The following ULK3 variants were observed in gnomAD, a reference collection of about 807,000 sequenced individuals.
ULK3 encodes serine/threonine-protein kinase ULK3.
In ULK3, 54 loss-of-function variants were observed where a neutral mutation model predicts 69.4. The ratio of observed to expected loss-of-function variants is 0.78; its 90% CI spans 0.63 to 0.98. The LOEUF is 0.98. ULK3 is among the 50% of genes least tolerant of loss of function. ULK3 has a pLI of 0.00. For synonymous variants in ULK3, 240 were observed against 254.5 expected (o/e 0.94, Z 0.54); for missense variants, 558 against 627.7 (o/e 0.89, Z 1.19).
chr15:74,839,985 C>T (rs1160771389), intron 6 of ULK3, among the ~76,000 whole-genome samples: 1 of 152,168 alleles, frequency 6.6e-6, no homozygotes, highest in Non-Finnish European at 1.5e-5. Flanking sequence ...CCTAGGAAGG[C>T]TGGGCCTGGC....
At position 74,840,668 on chromosome 15, in the gene ULK3, G is replaced by A. The variant is rs747483538; in HGVS notation, c.470-27C>T. On this transcript the variant is annotated intron_variant, in intron 4 of 15. Coordinates refer to ENST00000440863, the MANE Select transcript of ULK3 (RefSeq NM_001099436.4). Reference sequence around the variant, plus strand: ...TGCAGGCAAGAGGAGAGGCAGCAGGGCTTGAATTCCAGCTGCTTCAGCTCC... The same window carrying A: ...TGCAGGCAAGAGGAGAGGCAGCAGGACTTGAATTCCAGCTGCTTCAGCTCC... 11 of 1,534,316 alleles carry A rather than the reference G, an allele frequency of 7.2e-6. No individual in the cohort carries two copies. In the Admixed American group the frequency reaches 2.3e-4, roughly 32 times the overall value.
At position 74,838,262 on chromosome 15, in the gene ULK3, T is replaced by C; in HGVS notation, c.1246+4A>G. 3 of 1,561,092 alleles carry C rather than the reference T, an allele frequency of 1.9e-6. No individual in the cohort carries two copies. Among genetic ancestry groups the C allele is most frequent in the Non-Finnish European group, 2.6e-6 (3 of 1,152,896 alleles). The stretch of plus-strand genomic sequence containing the variant: ...CTGTGGGGGGCATAAATGGGGGCCC[T>C]CACCTGCCAGCAACAGCAGTAGCTC... On this transcript the variant is annotated splice_donor_region_variant and intron_variant, in intron 12 of 15. Coordinates refer to ENST00000440863, the MANE Select transcript of ULK3 (RefSeq NM_001099436.4).
intron 11 of ULK3, 23 bp downstream of exon 11, chr15:74,838,417 G>A: frequency 1.3e-6 from 2 of 1,567,394 alleles, no homozygotes; most frequent in Non-Finnish European, 1.7e-6. Flanking sequence ...CGACCCACCT[G>A]GACCCCTCCC....
At chr15:74,839,417 C>T in intron 7 of ULK3, 44 bp from the exon 8 acceptor site, 1 of 1,548,168 alleles carries the variant, frequency 6.5e-7, no homozygotes. Context: ...TCCCTACCCT[C>T]CCACACTCAC....
chr15:74,839,550 C>G lies in ULK3; in HGVS notation c.852+8G>C. ...CTCAGCCCACCCCAGCCCCAGCCGTCTGCTCACTGCTCGCCCCAGACTCTC... is the reference window on the plus strand; with the variant it reads ...CTCAGCCCACCCCAGCCCCAGCCGTGTGCTCACTGCTCGCCCCAGACTCTC... On this transcript the variant is annotated splice_region_variant and intron_variant, in intron 7 of 15. Coordinates refer to ENST00000440863, the MANE Select transcript of ULK3 (RefSeq NM_001099436.4). The G allele has an allele frequency of 6.4e-7, 1 of 1,552,750 alleles. No individual in the cohort carries two copies. The highest frequency in any genetic ancestry group is 8.7e-7 in the Non-Finnish European group (1 of 1,150,226).
At chr15:74,839,233 G>A in intron 8 of ULK3, 35 bp downstream of exon 8, 1 of 1,547,900 alleles carries the variant, frequency 6.5e-7, no homozygotes, top group Non-Finnish European at 8.7e-7. Flanking sequence ...CATCCCTGCT[G>A]CACCCACGGG....
chr15:74,839,730 G>C lies in ULK3; in HGVS notation c.697-17C>G. On this transcript the variant is annotated splice_polypyrimidine_tract_variant and intron_variant, in intron 6 of 15. Coordinates refer to ENST00000440863, the MANE Select transcript of ULK3 (RefSeq NM_001099436.4). ...CAAGGGGAGCTGCAGGGAAGGGAAC[G>C]GCAGGGACAGATCACACTGGGCTCC... The C allele has an allele frequency of 6.6e-7, 1 of 1,518,726 alleles. No individual in the cohort carries two copies. The highest frequency in any genetic ancestry group is 8.8e-7 in the Non-Finnish European group (1 of 1,137,742). The allele number at this position is 1,518,726 out of a possible 1,614,324, so 94.1% of individuals were successfully genotyped here.
Position 74,842,662 on chromosome 15 carries a change from AT to A in ULK3, c.103-243del. The A allele has an allele frequency of 6.5e-7, 1 of 1,535,606 alleles. No homozygotes were observed. Among genetic ancestry groups the A allele is most frequent in the East Asian group, 2.4e-5 (1 of 40,898 alleles). Reference sequence around the variant, plus strand: ...TCTCCAACCCTCGGCTAGCTGATCCATTTCTTTGCATTCTGGAGTGCTCCCG... The same window carrying A: ...TCTCCAACCCTCGGCTAGCTGATCCATTCTTTGCATTCTGGAGTGCTCCCG... On this transcript the variant is annotated intron_variant, in intron 1 of 15. Coordinates refer to ENST00000440863, the MANE Select transcript of ULK3 (RefSeq NM_001099436.4). This position sits in a 1 kb window ranked among gnomAD's most constrained non-coding sequence, Gnocchi z 4.9.
chr15:74,837,476 ACACGAGCCACAGCGCAG>A, intron 14 of ULK3, 41 bp from the exon 15 acceptor site: 1 of 1,268,412 alleles, frequency 7.9e-7, no homozygotes, highest in Non-Finnish European at 1.0e-6. Flanking sequence ...AGAGGCAGAC[ACACGAGCCACAGCGCAG>A]TGCCGAGCAA....
rs750430002 is a variant in ULK3 at position 74,838,514 on chromosome 15, G to A, written c.1103-10C>T. 6.4e-6 allele frequency: 10 copies of A among 1,570,978 alleles called. No individual in the cohort carries two copies. Among genetic ancestry groups the A allele is most frequent in the African/African-American group, 4.1e-5 (3 of 73,830 alleles). On this transcript the variant is annotated splice_polypyrimidine_tract_variant and intron_variant, in intron 10 of 15. Coordinates refer to ENST00000440863, the MANE Select transcript of ULK3 (RefSeq NM_001099436.4). ...TTGTCCCGGGCCATCTCTGAGATGAGGGGAAAGGCTCAGGGTGAGGGAAGC... is the reference window on the plus strand; with the variant it reads ...TTGTCCCGGGCCATCTCTGAGATGAAGGGAAAGGCTCAGGGTGAGGGAAGC...
In ULK3 at chr15:74,836,281, T is replaced by G. The variant is rs2064015559; in HGVS notation, c.*947A>C. The G allele has an allele frequency of 6.6e-6, 1 of 152,240 alleles. No homozygotes were observed. The highest frequency in any genetic ancestry group is 2.4e-5 in the African/African-American group (1 of 41,462). The allele number at this position is 152,240 out of a possible 1,614,324, so 9.4% of individuals were successfully genotyped here. A position where few individuals can be genotyped will look rare whatever the true frequency, so the allele number is the denominator to read the frequency against. On this transcript the variant is annotated 3_prime_UTR_variant, in exon 16 of 16. Coordinates refer to ENST00000440863, the MANE Select transcript of ULK3 (RefSeq NM_001099436.4). The surrounding 1 kb of genome is among the most constrained non-coding windows in gnomAD (Gnocchi z 4.0). ...AAAAGAAACTCTCAAATACATTCTT[T>G]TCCAGGTTAAATTCACTTTGTCCTC...
rs2141157195 is a variant in ULK3 at position 74,842,200 on chromosome 15, G to C, written c.244-5C>G. On this transcript the variant is annotated splice_region_variant and splice_polypyrimidine_tract_variant and intron_variant, in intron 2 of 15. Coordinates refer to ENST00000440863, the MANE Select transcript of ULK3 (RefSeq NM_001099436.4). This position sits in a 1 kb window ranked among gnomAD's most constrained non-coding sequence, Gnocchi z 4.9. The stretch of plus-strand genomic sequence containing the variant: ...GTAGATATTGTCACTGTCCCACTGT[G>C]TTTAGAGGCAGAGAGGCGGCCTGAA... 1.2e-6 allele frequency: 2 copies of C among 1,614,030 alleles called. No homozygotes were observed. Among genetic ancestry groups the C allele is most frequent in the East Asian group, 4.5e-5 (2 of 44,880 alleles).
At chr15:74,840,700 G>A (rs2064215548) in intron 4 of ULK3, 59 bp from the exon 5 acceptor site, 1 of 1,515,374 alleles carries the variant, frequency 6.6e-7, no homozygotes, top group Non-Finnish European at 8.8e-7. Flanking sequence ...CTCCTGACTT[G>A]TAAAGCCTCA....
chr15:74,839,111 C>G lies in ULK3; in HGVS notation c.959-61G>C, dbSNP rs2064145693. On this transcript the variant is annotated intron_variant, in intron 8 of 15. Coordinates refer to ENST00000440863, the MANE Select transcript of ULK3 (RefSeq NM_001099436.4). ...AACCCCTCCCTGCCCCACAACGAAC[C>G]CTCTGGAATCCCTCAAAACACAATA... is the stretch of plus-strand genomic sequence containing the variant. 1.9e-6 allele frequency: 3 copies of G among 1,561,778 alleles called. No homozygotes were observed. The African/African-American group carries it at 4.1e-5, about 21-fold the overall frequency.
chr15:74,842,391 C>A lies in ULK3; in HGVS notation c.132G>T (p.Lys44Asn), dbSNP rs201933449. 1 of 1,614,016 alleles carries A rather than the reference C, an allele frequency of 6.2e-7. No individual in the cohort carries two copies. ...TGTTCAGACTTTTCTTGGCTACACACTTTATGGCTACCACTTCACGAGTGT... is the reference window on the plus strand; with the variant it reads ...TGTTCAGACTTTTCTTGGCTACACAATTTATGGCTACCACTTCACGAGTGT... Reference protein sequence around the residue: ...KKDTREVVAIKCVAKKSLNKA... With the variant: ...KKDTREVVAINCVAKKSLNKA... Residue 44 changes from lysine (K) to asparagine (N), a missense_variant, in exon 2 of 16, where the codon AAG becomes AAT. Transcript: ENST00000440863. This position sits in a 1 kb window ranked among gnomAD's most constrained non-coding sequence, Gnocchi z 4.9.
Position 74,842,504 on chromosome 15 carries a change from G to T in ULK3, c.103-84C>A. ...GGAAAGGCTCTATCTGGTTCCCTCT[G>T]TTCCCCCACCCCGCCCCTCCCCGGG... On this transcript the variant is annotated intron_variant, in intron 1 of 15. Transcript: ENST00000440863. This position sits in a 1 kb window ranked among gnomAD's most constrained non-coding sequence, Gnocchi z 4.9. 6.2e-7 allele frequency: 1 copy of T among 1,606,328 alleles called. No individual in the cohort carries two copies. The highest frequency in any genetic ancestry group is 8.5e-7 in the Non-Finnish European group (1 of 1,179,674).
In ULK3 at chr15:74,838,459, G is replaced by A; in HGVS notation, c.1148C>T (p.Ala383Val). 1 of 1,579,538 alleles carries A rather than the reference G, an allele frequency of 6.3e-7. No individual in the cohort carries two copies. Among genetic ancestry groups the A allele is most frequent in the African/African-American group, 1.3e-5 (1 of 74,206 alleles). ...ACAAACCTTGGCCATGGCAGCTGAA[G>A]CCACTTCCAGGGCAGCTAGGAGGCG... is the stretch of plus-strand genomic sequence containing the variant. ...KPRLLAALEV[A>V]SAAMAKEEAA... is the part of the protein sequence containing the mutation. The change falls in exon 11 of 16, where the codon GCT becomes GTT. Residue 383 changes from alanine (A) to valine (V), a missense_variant. By Grantham distance (64) the Ala-to-Val change is moderately conservative. Transcript: ENST00000440863.
rs768550280 is a variant in ULK3, at chr15:74,837,007, C to G, written c.*221G>C. On this transcript the variant is annotated 3_prime_UTR_variant, in exon 16 of 16. Coordinates refer to ENST00000440863, the MANE Select transcript of ULK3 (RefSeq NM_001099436.4). Reference sequence around the variant, plus strand: ...GAAAGAAGTGCTGTTCTCCCAGAGTCCTGCCCTCCCCTCCAGTATACAGCA... The same window carrying G: ...GAAAGAAGTGCTGTTCTCCCAGAGTGCTGCCCTCCCCTCCAGTATACAGCA... 3.8e-6 allele frequency: 2 copies of G among 519,992 alleles called. No homozygotes were observed. Among genetic ancestry groups the G allele is most frequent in the African/African-American group, 3.8e-5 (2 of 52,560 alleles). The allele number at this position is 519,992 out of a possible 1,614,324, so 32.2% of individuals were successfully genotyped here. A position where few individuals can be genotyped will look rare whatever the true frequency, so the allele number is the denominator to read the frequency against.
At position 74,837,223 on chromosome 15, in the gene ULK3, T is replaced by A. The variant is rs941936856; in HGVS notation, c.*5A>T. 1.3e-6 allele frequency: 2 copies of A among 1,561,702 alleles called. No individual in the cohort carries two copies. Among genetic ancestry groups the A allele is most frequent in the African/African-American group, 2.7e-5 (2 of 73,678 alleles). ...GCTCACATCTGTCCAATCATTCTTC[T>A]AGGGTCACTGAAGGGTGCAAGCTAC... On this transcript the variant is annotated 3_prime_UTR_variant, in exon 16 of 16. Transcript: ENST00000440863.
Sources: gnomAD v4.1 joint callset for allele counts (sites outside exome capture counted in the v4.1 genomes callset) on GRCh38, gnomAD v4.1.1 for gene constraint, Gnocchi (gnomAD v3.1) non-coding constraint, MANE v1.5 for transcripts, NCBI Gene and HGNC (gene_info 2026-07-23, HGNC 2026-07-21) for gene names.